Variants in DLG2 observed in about 807,000 individuals in gnomAD.
DLG2 encodes the protein disks large homolog 2.
Under a neutral mutation model 132.5 loss-of-function variants are expected in DLG2, and 45 were observed. The ratio of observed to expected loss-of-function variants is 0.34; its 90% CI spans 0.27 to 0.44. The LOEUF is 0.44. DLG2 is among the 20% of genes least tolerant of loss of function. The pLI is 1.00. For missense variants in DLG2, 1,045 were observed against 1,196.9 expected, an observed-to-expected ratio of 0.87 and a Z score of 1.87; for synonymous variants, 424 against 419.6, an observed-to-expected ratio of 1.01 and a Z score of -0.13.
At chr11:84,876,504 G>A (rs1266399898) in intron 6 of DLG2, among the ~76,000 whole-genome samples, 2 of 152,124 alleles carry the variant, frequency 1.3e-5, no homozygotes, top group South Asian at 2.1e-4. Context: ...ATGGTAGTTT[G>A]TATTTCTGTG....
intron 8 of DLG2, among the ~76,000 whole-genome samples, chr11:84,184,958 G>A (rs2096245350): frequency 1.3e-5 from 2 of 152,168 alleles, no homozygotes; most frequent in South Asian, 2.1e-4. Flanking sequence ...GTACCATGCT[G>A]TTTTGGTTAC....
chr11:84,027,866 C>T (rs965868754), intron 11 of DLG2, among the ~76,000 whole-genome samples: 17 of 151,772 alleles, frequency 1.1e-4, no homozygotes, highest in African/African-American at 3.6e-4. Flanking sequence ...TTTAAAATTC[C>T]AGAGCATTTT....
At chr11:84,017,094 C>T (rs2095230131) in intron 11 of DLG2, among the ~76,000 whole-genome samples, 1 of 151,910 alleles carries the variant, frequency 6.6e-6, no homozygotes. Flanking sequence ...GATAGCATGG[C>T]AGTTTGAGGA....
chr11:85,060,143 T>A (rs898743127), intron 6 of DLG2, among the ~76,000 whole-genome samples: 8 of 151,442 alleles, frequency 5.3e-5, no homozygotes, highest in African/African-American at 1.9e-4. Flanking sequence ...TACTTTCTGT[T>A]TCAGTGAGTT....
chr11:83,684,283 T>C (rs972557691), intron 18 of DLG2, among the ~76,000 whole-genome samples: 4 of 152,070 alleles, frequency 2.6e-5, no homozygotes, highest in Non-Finnish European at 4.4e-5. Context: ...CAGTCAGCAT[T>C]CCTTGAGAGC....
At chr11:84,328,955 T>A (rs1293051471) in intron 7 of DLG2, among the ~76,000 whole-genome samples, 1 of 152,236 alleles carries the variant, frequency 6.6e-6, no homozygotes, top group Admixed American at 6.5e-5. Context: ...TCAGGAACTA[T>A]GCTAAGGATG....
intron 18 of DLG2, among the ~76,000 whole-genome samples, chr11:83,664,280 A>G (rs937914097): frequency 6.6e-6 from 1 of 152,228 alleles, no homozygotes; most frequent in African/African-American, 2.4e-5. Flanking sequence ...AATACTTAAA[A>G]GCATGTTTTT....
intron 11 of DLG2, among the ~76,000 whole-genome samples, chr11:83,983,083 T>C (rs1220354524): frequency 2.0e-5 from 3 of 152,132 alleles, no homozygotes. Context: ...TGCATGCCCA[T>C]TGTTAAATGA....
intron 10 of DLG2, among the ~76,000 whole-genome samples, chr11:84,078,196 A>C (rs985867462): frequency 4.6e-5 from 7 of 152,180 alleles, no homozygotes; most frequent in Non-Finnish European, 8.8e-5. Flanking sequence ...GACAAGATTC[A>C]GAATTCCTTT....
At position 84,774,734 on chromosome 11, in the gene DLG2, T is replaced by G. The variant is rs562121722; in HGVS notation, c.358-240003A>C. 2.0e-5 allele frequency among the ~76,000 whole-genome samples: 3 copies of G among 152,200 alleles called. No individual in the cohort carries two copies. In the South Asian group the frequency reaches 6.2e-4, roughly 32 times the overall value. On this transcript the variant is annotated intron_variant, in intron 6 of 27. Coordinates refer to ENST00000376104, the MANE Select transcript of DLG2 (RefSeq NM_001142699.3). Reference sequence around the variant, plus strand: ...ATAAATGGTGCTGAGATACTTGCTATCCATATGCAGAAGAATAAACCTGGA... The same window carrying G: ...ATAAATGGTGCTGAGATACTTGCTAGCCATATGCAGAAGAATAAACCTGGA...
chr11:83,633,592 G>A (rs963046344), intron 18 of DLG2, among the ~76,000 whole-genome samples: 1 of 152,082 alleles, frequency 6.6e-6, no homozygotes, highest in Non-Finnish European at 1.5e-5. Context: ...GGGGCTGGGA[G>A]AGGGAGGATG....
intron 6 of DLG2, chr11:84,923,317 G>C (rs2092847333): frequency 1.4e-6 from 2 of 1,397,270 alleles, no homozygotes; most frequent in Admixed American, 5.7e-5. Flanking sequence ...CTCTTCATTG[G>C]CTATATATAG....
At chr11:83,919,037 G>A (rs1165041890) in intron 15 of DLG2, among the ~76,000 whole-genome samples, 1 of 152,148 alleles carries the variant, frequency 6.6e-6, no homozygotes, top group Non-Finnish European at 1.5e-5. Flanking sequence ...GGAAGTTCTT[G>A]TAAGTGAGGA....
At chr11:85,315,026 G>A (rs1000131977) in intron 3 of DLG2, among the ~76,000 whole-genome samples, 1 of 152,004 alleles carries the variant, frequency 6.6e-6, no homozygotes, top group Non-Finnish European at 1.5e-5. Flanking sequence ...TGGCATGAGA[G>A]AATTATGAGC....
At chr11:85,010,246 A>G (rs2059037211) in intron 6 of DLG2, among the ~76,000 whole-genome samples, 1 of 152,090 alleles carries the variant, frequency 6.6e-6, no homozygotes, top group African/African-American at 2.4e-5. Flanking sequence ...TTTGCTTGAC[A>G]CAAGATAATG....
At chr11:83,801,443 C>A (rs746754748) in intron 17 of DLG2, among the ~76,000 whole-genome samples, 25 of 152,172 alleles carry the variant, frequency 1.6e-4, no homozygotes, top group Non-Finnish European at 3.1e-4. Context: ...TCCTCGGGCT[C>A]TGCCTATCCC....
chr11:83,744,549 C>T (rs1261648359), intron 18 of DLG2, among the ~76,000 whole-genome samples: 1 of 152,198 alleles, frequency 6.6e-6, no homozygotes, highest in East Asian at 1.9e-4. Context: ...CATATATTCA[C>T]TTTACGTAGC....
At chr11:84,718,364 T>C (rs1283729267) in intron 6 of DLG2, among the ~76,000 whole-genome samples, 1 of 152,076 alleles carries the variant, frequency 6.6e-6, no homozygotes, top group South Asian at 2.1e-4. Context: ...ATTTGTTAAA[T>C]CCGAATACCA....
intron 8 of DLG2, among the ~76,000 whole-genome samples, chr11:84,191,341 C>T (rs1261297608): frequency 6.6e-6 from 1 of 152,100 alleles, no homozygotes; most frequent in East Asian, 1.9e-4. Flanking sequence ...TTAGTCTTTC[C>T]TTCCTGAGTC....
Sources: allele counts gnomAD v4.1 joint callset (sites outside exome capture counted in the v4.1 genomes callset), GRCh38; gene constraint gnomAD v4.1.1; transcripts MANE v1.5; gene names NCBI Gene and HGNC (gene_info 2026-07-23, HGNC 2026-07-21).